TENM2: variants seen among roughly 807,000 people sequenced by gnomAD.
The protein encoded by TENM2 is teneurin transmembrane protein 2.
Under a neutral mutation model 245.2 loss-of-function variants are expected in TENM2, and 52 were observed. The ratio of observed to expected loss-of-function variants is 0.21; its 90% CI spans 0.17 to 0.27. The LOEUF is 0.27. Ranked by LOEUF, TENM2 falls within the 10% of genes least tolerant of loss-of-function variation. The pLI, the probability that TENM2 is intolerant of heterozygous loss-of-function variation, is 1.00. For synonymous variants in TENM2, 1,363 were observed against 1,438.9 expected (o/e 0.95, Z 1.19); for missense variants, 3,046 against 3,666.8 (o/e 0.83, Z 4.37).
At chr5:168,112,441 A>G (rs1192691777) in intron 9 of TENM2, among the ~76,000 whole-genome samples, 2 of 151,998 alleles carry the variant, frequency 1.3e-5, no homozygotes, top group Non-Finnish European at 2.9e-5. Context: ...TGTTCTCATC[A>G]TTTAGCTCCT....
chr5:167,570,934 G>T (rs200682865), intron 2 of TENM2, among the ~76,000 whole-genome samples: 1 of 152,138 alleles, frequency 6.6e-6, no homozygotes, highest in East Asian at 1.9e-4. Context: ...TGCTTCGAGG[G>T]TGAGTTCATG....
intron 25 of TENM2, among the ~76,000 whole-genome samples, chr5:168,229,385 G>C (rs74365113): frequency 1.3e-5 from 2 of 152,222 alleles, no homozygotes; most frequent in African/African-American, 4.8e-5. Context: ...GTCACCAAGA[G>C]GGAACAGTTC....
At chr5:168,112,747 G>A (rs2152319065) in intron 9 of TENM2, among the ~76,000 whole-genome samples, 1 of 152,214 alleles carries the variant, frequency 6.6e-6, no homozygotes, top group Middle Eastern at 3.4e-3. Context: ...CAGTGGGGTT[G>A]CCTTTTGAGT....
chr5:168,006,344 T>C lies in TENM2; in HGVS notation c.1186+13162T>C, dbSNP rs1161576624. Among the ~76,000 whole-genome samples the C allele has an allele frequency of 3.9e-5, 6 of 152,188 alleles. No homozygotes were observed. In the East Asian group the frequency reaches 9.6e-4, roughly 24 times the overall value. ...TGACTCTGGAAGGGTCCTGAGGTTC[T>C]AGGGCGCGAGGGTTGTCATGCGGTC... On this transcript the variant is annotated intron_variant, in intron 5 of 28. Transcript: ENST00000518659.
intron 2 of TENM2, among the ~76,000 whole-genome samples, chr5:167,872,498 AAG>A (rs752439611): frequency 8.2e-4 from 11 of 13,448 alleles, no homozygotes; most frequent in East Asian, 0.017. Flanking sequence ...GAAAGAAAGA[AAG>A]AAAGAAAGAA....
At chr5:167,415,066 T>C (rs1763095799) in intron 2 of TENM2, among the ~76,000 whole-genome samples, 1 of 152,100 alleles carries the variant, frequency 6.6e-6, no homozygotes, top group Non-Finnish European at 1.5e-5. Context: ...TATCCACAGG[T>C]AAAGAATTTT....
intron 2 of TENM2, among the ~76,000 whole-genome samples, chr5:167,592,991 T>C (rs1328727789): frequency 6.6e-6 from 1 of 152,192 alleles, no homozygotes; most frequent in Non-Finnish European, 1.5e-5. Flanking sequence ...ATTGTGGTCT[T>C]TTTCTTTGTT....
intron 7 of TENM2, among the ~76,000 whole-genome samples, chr5:168,090,271 A>G (rs1393885059): frequency 6.6e-6 from 1 of 150,640 alleles, no homozygotes; most frequent in African/African-American, 2.5e-5. Flanking sequence ...CACGATGCAC[A>G]CATACAAACA....
the TENM2 span, among the ~76,000 whole-genome samples, chr5:167,074,815 G>A: frequency 1.3e-5 from 2 of 152,100 alleles, no homozygotes; most frequent in Non-Finnish European, 2.9e-5. Context: ...TCTGATACAG[G>A]CATTCAATTT....
intron 2 of TENM2, among the ~76,000 whole-genome samples, chr5:167,545,682 T>A (rs1461035978): frequency 6.6e-6 from 1 of 152,200 alleles, no homozygotes; most frequent in Non-Finnish European, 1.5e-5. Flanking sequence ...GTTTTATGCT[T>A]TTATGGGTAC....
chr5:167,111,113 A>G, the TENM2 span, among the ~76,000 whole-genome samples: 2 of 152,198 alleles, frequency 1.3e-5, no homozygotes, highest in Non-Finnish European at 2.9e-5. Flanking sequence ...TTTTAGATAC[A>G]TTATATTACT....
intron 2 of TENM2, among the ~76,000 whole-genome samples, chr5:167,760,652 G>A (rs1169977153): frequency 6.6e-6 from 1 of 152,074 alleles, no homozygotes; most frequent in Admixed American, 6.6e-5. Context: ...TGTTATTGTT[G>A]TTGTTGCTGT....
At chr5:167,972,019 T>C (rs1583525556) in intron 4 of TENM2, among the ~76,000 whole-genome samples, 1 of 152,334 alleles carries the variant, frequency 6.6e-6, no homozygotes, top group East Asian at 1.9e-4. Context: ...TGCCTACTTA[T>C]CCCACACAGA....
intron 5 of TENM2, among the ~76,000 whole-genome samples, chr5:167,998,485 G>A (rs1246844536): frequency 2.0e-5 from 3 of 152,138 alleles, no homozygotes; most frequent in Non-Finnish European, 2.9e-5. Flanking sequence ...ATTCTAAGGC[G>A]AGAGTCAACA....
rs113480088 is a variant in TENM2 at position 167,570,849 on chromosome 5, G to C, written c.502+195376G>C. 8.6e-3 allele frequency among the ~76,000 whole-genome samples: 1,304 copies of C among 152,296 alleles called. 8 individuals carry two copies. The highest frequency in any genetic ancestry group is 0.014 in the Non-Finnish European group (945 of 68,024). On this transcript the variant is annotated intron_variant, in intron 2 of 28. Coordinates refer to ENST00000518659, the Ensembl canonical transcript of TENM2. ...TTATTGGTAATTGAATGATTGTGGTGGGGGAAGAACTGAGCCCTGAATGGC... is the reference window on the plus strand; with the variant it reads ...TTATTGGTAATTGAATGATTGTGGTCGGGGAAGAACTGAGCCCTGAATGGC...
intron 3 of TENM2, among the ~76,000 whole-genome samples, chr5:167,909,898 T>A (rs11948513): frequency 6.7e-6 from 1 of 150,110 alleles, no homozygotes; most frequent in Non-Finnish European, 1.5e-5. Context: ...GGCTTTGAAA[T>A]TGTGAGTAAG....
intron 1 of TENM2, among the ~76,000 whole-genome samples, chr5:167,342,582 C>T (rs1758179042): frequency 8.1e-6 from 1 of 123,698 alleles, no homozygotes; most frequent in African/African-American, 3.1e-5. Flanking sequence ...CTGCGGACTG[C>T]AGTGGCGCAA....
intron 2 of TENM2, among the ~76,000 whole-genome samples, chr5:167,692,131 A>T (rs1757473677): frequency 6.6e-6 from 1 of 151,968 alleles, no homozygotes; most frequent in South Asian, 2.1e-4. Context: ...GCCTATGTCT[A>T]CTTGCTTAGT....
chr5:167,353,982 G>A (rs1759146598), intron 1 of TENM2, among the ~76,000 whole-genome samples: 1 of 152,196 alleles, frequency 6.6e-6, no homozygotes, highest in Non-Finnish European at 1.5e-5. Context: ...AAGAAAAATG[G>A]AAGATGAAGA....
Sources: gnomAD v4.1 joint callset for allele counts (sites outside exome capture counted in the v4.1 genomes callset) on GRCh38, gnomAD v4.1.1 for gene constraint, MANE v1.5 for transcripts, NCBI Gene and HGNC (gene_info 2026-07-23, HGNC 2026-07-21) for gene names.